Variants in VMP1 observed in about 807,000 individuals in gnomAD.
VMP1 encodes the protein vacuole membrane protein 1.
VMP1 carries 11 observed loss-of-function variants against 56.0 expected under a neutral mutation model. The observed-to-expected ratio is 0.20, with a 90% CI of 0.12 to 0.32. The LOEUF is 0.32. Among genes scored for constraint, VMP1 ranks in the 10% least tolerant of loss-of-function variants. The probability of loss-of-function intolerance (pLI) is 1.00; values close to 1 mark genes in which losing one functional copy is unlikely to be tolerated. For missense variants in VMP1, 296 were observed against 490.3 expected (o/e 0.60, Z 3.74); for synonymous variants, 149 against 165.0 (o/e 0.90, Z 0.74).
rs537847357 is a variant in VMP1 at position 59,792,640 on chromosome 17, G to A, written c.715-16156G>A. ...AGCACTTTGGGAGGCCGAGGCGGGC[G>A]GATCACCTGAGGTCAAGAGTTCGAG... On this transcript the variant is annotated intron_variant, in intron 7 of 11. Coordinates refer to ENST00000262291, the MANE Select transcript of VMP1 (RefSeq NM_030938.5). Among the ~76,000 whole-genome samples the A allele has an allele frequency of 1.6e-4, 24 of 151,310 alleles. No homozygotes were observed. The South Asian group carries it at 2.7e-3, about 17-fold the overall frequency.
intron 7 of VMP1, among the ~76,000 whole-genome samples, chr17:59,798,098 T>A (rs150349359): frequency 6.6e-6 from 1 of 152,258 alleles, no homozygotes; most frequent in East Asian, 1.9e-4. Flanking sequence ...GAGGTATATT[T>A]TAGATTTGTA....
chr17:59,769,629 C>G (rs1349261423), intron 6 of VMP1, among the ~76,000 whole-genome samples: 1 of 152,134 alleles, frequency 6.6e-6, no homozygotes, highest in Admixed American at 6.6e-5. Context: ...AAACTCTTCT[C>G]TAGTTTAAGA....
At chr17:59,727,381 G>A (rs530618098) in intron 1 of VMP1, among the ~76,000 whole-genome samples, 2 of 152,154 alleles carry the variant, frequency 1.3e-5, no homozygotes, top group East Asian at 1.9e-4. Context: ...TGATCTGCCC[G>A]CCTCAGCCTT....
intron 4 of VMP1, 30 bp from the exon 5 acceptor site, chr17:59,738,807 C>A: frequency 6.8e-7 from 1 of 1,472,328 alleles, no homozygotes; most frequent in South Asian, 1.2e-5. Context: ...ATAGAGAATT[C>A]ACGGTTTTCA....
At chr17:59,748,204 A>C (rs1365707777) in intron 5 of VMP1, among the ~76,000 whole-genome samples, 4 of 151,980 alleles carry the variant, frequency 2.6e-5, no homozygotes, top group African/African-American at 4.8e-5. Context: ...TCAAAAAAAA[A>C]AAAAAAAAAA....
chr17:59,721,526 A>G (rs1465399155), intron 1 of VMP1, among the ~76,000 whole-genome samples: 5 of 152,178 alleles, frequency 3.3e-5, no homozygotes, highest in African/African-American at 1.2e-4. Flanking sequence ...TGTTGATGCT[A>G]GATTAGTCAC....
chr17:59,727,190 A>C (rs1022226541), intron 1 of VMP1, among the ~76,000 whole-genome samples: 5 of 151,384 alleles, frequency 3.3e-5, no homozygotes, highest in Admixed American at 2.6e-4. Flanking sequence ...GCTGGAGTGC[A>C]GTGGCGCGAT....
intron 10 of VMP1, among the ~76,000 whole-genome samples, chr17:59,830,620 G>GTT (rs1002682468): frequency 1.3e-5 from 2 of 152,208 alleles, no homozygotes; most frequent in African/African-American, 4.8e-5. Flanking sequence ...ATGTCAGAAT[G>GTT]TTTTTCAGGA....
At chr17:59,807,441 C>T (rs1016877498) in intron 7 of VMP1, among the ~76,000 whole-genome samples, 1 of 151,954 alleles carries the variant, frequency 6.6e-6, no homozygotes, top group Admixed American at 6.6e-5. Flanking sequence ...TTGTGATCCG[C>T]CTGCCTCAGC....
chr17:59,816,315 T>G (rs1231354454), intron 9 of VMP1, among the ~76,000 whole-genome samples: 1 of 152,250 alleles, frequency 6.6e-6, no homozygotes, highest in African/African-American at 2.4e-5. Flanking sequence ...TAATAAAAGA[T>G]TTATAGCTCT....
At chr17:59,726,452 C>A (rs1460457521) in intron 1 of VMP1, among the ~76,000 whole-genome samples, 1 of 152,104 alleles carries the variant, frequency 6.6e-6, no homozygotes, top group Non-Finnish European at 1.5e-5. Flanking sequence ...AGCCACCACA[C>A]CCAGCTAATT....
chr17:59,761,798 C>A (rs958554427), intron 5 of VMP1, among the ~76,000 whole-genome samples: 31 of 144,402 alleles, frequency 2.1e-4, no homozygotes, highest in African/African-American at 7.3e-4. Flanking sequence ...CTGAAGGGGA[C>A]CCCTGTGCAG....
At chr17:59,836,208 T>A (rs1191746625) in intron 10 of VMP1, among the ~76,000 whole-genome samples, 3 of 151,586 alleles carry the variant, frequency 2.0e-5, no homozygotes, top group Non-Finnish European at 2.9e-5. Context: ...ATCTTTTTTT[T>A]ATTTTTTTAT....
At chr17:59,838,510 C>A in intron 11 of VMP1, 113 bp downstream of exon 11, 1 of 1,076,106 alleles carries the variant, frequency 9.3e-7, no homozygotes, top group East Asian at 2.6e-5. Context: ...TGCCAGTGTT[C>A]CTTGACAGAA....
At chr17:59,756,199 A>C (rs918112220) in intron 5 of VMP1, among the ~76,000 whole-genome samples, 8 of 152,222 alleles carry the variant, frequency 5.3e-5, no homozygotes, top group Admixed American at 2.0e-4. Context: ...TCTGACTCTA[A>C]TGAGAAAAAC....
In VMP1 at chr17:59,747,882, G is replaced by A. The variant is rs1006964834; in HGVS notation, c.414+8935G>A. On this transcript the variant is annotated intron_variant, in intron 5 of 11. Coordinates refer to ENST00000262291, the MANE Select transcript of VMP1 (RefSeq NM_030938.5). Reference sequence around the variant, plus strand: ...TGCACTCCAGCCTGTGTTACAGAGCGAAACCCTGTCTCTTAAAAAAAAAAG... The same window carrying A: ...TGCACTCCAGCCTGTGTTACAGAGCAAAACCCTGTCTCTTAAAAAAAAAAG... Among the ~76,000 whole-genome samples, 6 of 151,046 alleles carry A rather than the reference G, an allele frequency of 4.0e-5. No individual in the cohort carries two copies. The South Asian group carries it at 6.3e-4, about 16-fold the overall frequency.
At chr17:59,721,725 A>T (rs2034404006) in intron 1 of VMP1, among the ~76,000 whole-genome samples, 1 of 148,194 alleles carries the variant, frequency 6.7e-6, no homozygotes, top group African/African-American at 2.6e-5. Context: ...CAAACAAAAC[A>T]AAACAAAACA....
At position 59,841,317 on chromosome 17, in the gene VMP1, C is replaced by T. The variant is rs540457553; in HGVS notation, c.*1406C>T. 1 of 513,148 alleles carries T rather than the reference C, an allele frequency of 1.9e-6. No homozygotes were observed. The highest frequency in any genetic ancestry group is 1.9e-5 in the Admixed American group (1 of 51,382). 31.8% of individuals were successfully genotyped at this position (513,148 alleles called of 1,614,324 possible). A position where few individuals can be genotyped will look rare whatever the true frequency, so the allele number is the denominator to read the frequency against. On this transcript the variant is annotated 3_prime_UTR_variant, in exon 12 of 12. Coordinates refer to ENST00000262291, the MANE Select transcript of VMP1 (RefSeq NM_030938.5). ...TGACTGTTGAATCTCATGGCAACAC[C>T]AGTCGATGGGCTGTCTGACATTTTG...
At position 59,735,489 on chromosome 17, in the gene VMP1, C is replaced by T. The variant is rs763839368; in HGVS notation, c.212+16C>T. 2 of 1,613,454 alleles carry T rather than the reference C, an allele frequency of 1.2e-6. No homozygotes were observed. The highest frequency in any genetic ancestry group is 1.7e-5 in the Admixed American group (1 of 59,916). On this transcript the variant is annotated intron_variant, in intron 3 of 11. Transcript: ENST00000262291. ...GGACCTCAAAGTAAAGAGTCTTCTC[C>T]CACTACCTTTTACATACACCTCATT...
Sources: allele counts gnomAD v4.1 joint callset (sites outside exome capture counted in the v4.1 genomes callset), GRCh38; gene constraint gnomAD v4.1.1; transcripts MANE v1.5; gene names NCBI Gene and HGNC (gene_info 2026-07-23, HGNC 2026-07-21).